CDC42BPB: variants seen among roughly 807,000 people sequenced by gnomAD.
CDC42BPB encodes the protein serine/threonine-protein kinase MRCK beta.
Under a neutral mutation model 214.9 loss-of-function variants are expected in CDC42BPB, and 37 were observed. The ratio of observed to expected loss-of-function variants is 0.17; its 90% confidence interval spans 0.13 to 0.23. CDC42BPB has a LOEUF of 0.23. CDC42BPB is among the 10% of genes least tolerant of loss of function. The probability of loss-of-function intolerance (pLI) is 1.00; values close to 1 mark genes in which losing one functional copy is unlikely to be tolerated. For missense variants in CDC42BPB, 1,694 were observed against 2,227.0 expected, an observed-to-expected ratio of 0.76 and a Z score of 4.82; for synonymous variants, 931 against 884.0, an observed-to-expected ratio of 1.05 and a Z score of -0.94.
chr14:103,002,614 G>A (rs1009869652), intron 4 of CDC42BPB, among the ~76,000 whole-genome samples: 6 of 152,130 alleles, frequency 3.9e-5, no homozygotes, highest in Non-Finnish European at 7.4e-5. Flanking sequence ...GCAGGAAGCG[G>A]GGGGGTTTAT....
intron 8 of CDC42BPB, among the ~76,000 whole-genome samples, chr14:102,979,243 T>C (rs1893891818): frequency 6.6e-6 from 1 of 151,188 alleles, no homozygotes; most frequent in Non-Finnish European, 1.5e-5. Flanking sequence ...AGATGGACTC[T>C]CGCTCTGTCA....
At chr14:102,980,725 T>C in intron 8 of CDC42BPB, 48 bp downstream of exon 8, 10 of 1,590,988 alleles carry the variant, frequency 6.3e-6, no homozygotes, top group African/African-American at 1.3e-5. Flanking sequence ...CAGCACTGCA[T>C]GTCAGACCCA....
intron 8 of CDC42BPB, among the ~76,000 whole-genome samples, chr14:102,978,530 T>C (rs988881047): frequency 2.6e-5 from 4 of 152,224 alleles, no homozygotes; most frequent in Admixed American, 1.3e-4. Flanking sequence ...CACAACTGTG[T>C]GCAGAGTCCA....
chr14:102,962,180 G>C (rs753136880), intron 20 of CDC42BPB, among the ~76,000 whole-genome samples: 22 of 152,186 alleles, frequency 1.4e-4, no homozygotes, highest in Non-Finnish European at 3.1e-4. Flanking sequence ...GTAGGCTGTG[G>C]GGCAGAAACC....
At chr14:103,053,928 C>G (rs938261759) in intron 1 of CDC42BPB, among the ~76,000 whole-genome samples, 4 of 152,032 alleles carry the variant, frequency 2.6e-5, no homozygotes, top group Non-Finnish European at 5.9e-5. Flanking sequence ...GCAGCCTTGA[C>G]CTCCCAGGCT....
In CDC42BPB at chr14:102,972,144, T is replaced by A; in HGVS notation, c.1659A>T (p.Ser553=). The A allele has an allele frequency of 6.2e-7, 1 of 1,614,158 alleles. No homozygotes were observed. The highest frequency in any genetic ancestry group is 8.5e-7 in the Non-Finnish European group (1 of 1,179,964). Residue 553 remains serine (S), a synonymous_variant, in exon 13 of 37, where the codon TCA becomes TCT. Transcript: ENST00000361246. ...EELHKQLVEA[S]ERLKSQAKEL... ...CCTTGGCCTGGGATTTCAACCGCTC[T>A]GAGGCTTCAACCAGTTGCTGAACAA... is the stretch of plus-strand genomic sequence containing the variant.
chr14:103,052,693 C>A (rs577043210), intron 1 of CDC42BPB, among the ~76,000 whole-genome samples: 1 of 152,254 alleles, frequency 6.6e-6, no homozygotes, highest in East Asian at 1.9e-4. Context: ...AGAGAAGATG[C>A]CCGGACTGGG....
intron 2 of CDC42BPB, among the ~76,000 whole-genome samples, chr14:103,011,102 C>T (rs190347795): frequency 5.3e-5 from 8 of 152,232 alleles, no homozygotes; most frequent in African/African-American, 1.7e-4. Context: ...GTACCGCGGC[C>T]GCTGAGGGAG....
In CDC42BPB at chr14:102,981,025, C is replaced by T. The variant is rs1476979671; in HGVS notation, c.892-4G>A. On this transcript the variant is annotated splice_region_variant and splice_polypyrimidine_tract_variant and intron_variant, in intron 7 of 36. Coordinates refer to ENST00000361246, the MANE Select transcript of CDC42BPB (RefSeq NM_006035.4). The stretch of plus-strand genomic sequence containing the variant: ...GGGATGGGAACTGGAATCGCTCCTG[C>T]AAGGGGTGGCAAAAACACCGGTGGA... The T allele has an allele frequency of 6.2e-7, 1 of 1,613,836 alleles. No individual in the cohort carries two copies. The highest frequency in any genetic ancestry group is 1.1e-5 in the South Asian group (1 of 91,078).
chr14:103,028,897 T>C (rs573269932), intron 1 of CDC42BPB, among the ~76,000 whole-genome samples: 32 of 152,344 alleles, frequency 2.1e-4, no homozygotes, highest in African/African-American at 7.5e-4. Flanking sequence ...CATCCTAGCA[T>C]AGATCCTGAG....
At chr14:102,973,809 C>T (rs886147885) in intron 12 of CDC42BPB, among the ~76,000 whole-genome samples, 13 of 152,260 alleles carry the variant, frequency 8.5e-5, no homozygotes, top group Non-Finnish European at 1.5e-4. Flanking sequence ...CCACTGGGAG[C>T]CAAGCTCTGC....
chr14:103,009,553 C>T (rs967682263), intron 2 of CDC42BPB, among the ~76,000 whole-genome samples: 5 of 152,252 alleles, frequency 3.3e-5, no homozygotes, highest in Admixed American at 6.5e-5. Flanking sequence ...TTCTTTGAAA[C>T]TCACACAAAA....
chr14:102,935,128 G>GA (rs1891593218), intron 36 of CDC42BPB, among the ~76,000 whole-genome samples: 1 of 152,106 alleles, frequency 6.6e-6, no homozygotes, highest in South Asian at 2.1e-4. Context: ...GATCAGGGAA[G>GA]AAACAGAAAT....
chr14:102,959,126 G>A (rs1206845272), intron 21 of CDC42BPB, among the ~76,000 whole-genome samples: 3 of 151,746 alleles, frequency 2.0e-5, no homozygotes, highest in Admixed American at 6.6e-5. Flanking sequence ...GTGAAACCCT[G>A]TCTCTACTAA....
Position 102,963,133 on chromosome 14 carries a change from T to C in CDC42BPB, c.2749A>G (p.Lys917Glu). Residue 917 changes from lysine (K) to glutamate (E), a missense_variant, in exon 20 of 37, where the codon AAA becomes GAA. Lys to Glu is a moderately conservative substitution (Grantham distance 56). Coordinates refer to ENST00000361246, the MANE Select transcript of CDC42BPB (RefSeq NM_006035.4). ...LESKLKDSEAKNRELLEEMEI... is the reference protein window; with the variant it reads ...LESKLKDSEAENRELLEEMEI... Reference sequence around the variant, plus strand: ...ATTTCTTCTAATAATTCTCTGTTTTTGGCTTCGGAATCCTTTAGTTTGCTA... The same window carrying C: ...ATTTCTTCTAATAATTCTCTGTTTTCGGCTTCGGAATCCTTTAGTTTGCTA... 1 of 1,598,866 alleles carries C rather than the reference T, an allele frequency of 6.3e-7. No homozygotes were observed. The highest frequency in any genetic ancestry group is 8.6e-7 in the Non-Finnish European group (1 of 1,169,032).
chr14:103,053,748 T>C (rs1170651986), intron 1 of CDC42BPB, among the ~76,000 whole-genome samples: 36 of 142,438 alleles, frequency 2.5e-4, no homozygotes, highest in South Asian at 4.4e-4. Context: ...GGCGACAGAG[T>C]GAGACTCCGT....
At chr14:103,022,431 G>A (rs1438586721) in intron 1 of CDC42BPB, among the ~76,000 whole-genome samples, 2 of 152,126 alleles carry the variant, frequency 1.3e-5, no homozygotes, top group Non-Finnish European at 1.5e-5. Flanking sequence ...ATGCCATCAC[G>A]GCTCACTGCA....
chr14:103,047,912 A>AAAAAAAAAAAAAC (rs1330346773), intron 1 of CDC42BPB, among the ~76,000 whole-genome samples: 1 of 151,880 alleles, frequency 6.6e-6, no homozygotes, highest in Non-Finnish European at 1.5e-5. Context: ...CCAAAAAAAA[A>AAAAAAAAAAAAAC]AGCATTTTCA....
In CDC42BPB at chr14:102,975,806, G is replaced by A; in HGVS notation, c.1388-3C>T. 1 of 1,614,172 alleles carries A rather than the reference G, an allele frequency of 6.2e-7. No individual in the cohort carries two copies. The highest frequency in any genetic ancestry group is 8.5e-7 in the Non-Finnish European group (1 of 1,180,006). On this transcript the variant is annotated splice_region_variant and splice_polypyrimidine_tract_variant and intron_variant, in intron 10 of 36. Coordinates refer to ENST00000361246, the MANE Select transcript of CDC42BPB (RefSeq NM_006035.4). Reference sequence around the variant, plus strand: ...GGACTGCACGGTCTGGGTGGACTCTGAGGGATGGAGAGACAGCGTGAGGTG... The same window carrying A: ...GGACTGCACGGTCTGGGTGGACTCTAAGGGATGGAGAGACAGCGTGAGGTG...
Sources: allele counts gnomAD v4.1 joint callset (sites outside exome capture counted in the v4.1 genomes callset), GRCh38; gene constraint gnomAD v4.1.1; transcripts MANE v1.5; gene names NCBI Gene and HGNC (gene_info 2026-07-23, HGNC 2026-07-21).